CYP3A5: variants seen among roughly 807,000 people sequenced by gnomAD.
CYP3A5 encodes the protein cytochrome P450 3A5.
Under a neutral mutation model 55.9 loss-of-function variants are expected in CYP3A5, and 51 were observed. That is an observed-to-expected ratio of 0.91 (90% CI 0.73 to 1.15). CYP3A5 has a LOEUF of 1.15. CYP3A5 is among the 50% of genes most tolerant of loss of function. CYP3A5 has a pLI of 0.00. For missense variants in CYP3A5, 533 were observed against 596.6 expected (o/e 0.89, Z 1.11); for synonymous variants, 196 against 213.9 (o/e 0.92, Z 0.73).
intron 10 of CYP3A5, among the ~76,000 whole-genome samples, chr7:99,654,524 T>C (rs1250796115): frequency 6.6e-6 from 1 of 152,244 alleles, no homozygotes; most frequent in African/African-American, 2.4e-5. Context: ...CTATTGTGAA[T>C]AGTGCTGCAA....
chr7:99,666,260 G>T (rs534176191), intron 6 of CYP3A5, among the ~76,000 whole-genome samples: 11 of 152,250 alleles, frequency 7.2e-5, no homozygotes, highest in African/African-American at 2.6e-4. Context: ...AGTACCAAAT[G>T]CTTGCTTACC....
At chr7:99,651,551 A>C (rs760905782) in intron 11 of CYP3A5, among the ~76,000 whole-genome samples, 1 of 152,194 alleles carries the variant, frequency 6.6e-6, no homozygotes, top group Non-Finnish European at 1.5e-5. Flanking sequence ...TACTCTGTGA[A>C]CAAGTATTAT....
chr7:99,668,492 T>C (rs1811256419), intron 4 of CYP3A5, among the ~76,000 whole-genome samples: 1 of 152,240 alleles, frequency 6.6e-6, no homozygotes, highest in Non-Finnish European at 1.5e-5. Context: ...GCAATTTTTT[T>C]TGTAATTTTG....
chr7:99,678,908 T>C (rs1198134222), intron 1 of CYP3A5, among the ~76,000 whole-genome samples: 1 of 152,158 alleles, frequency 6.6e-6, no homozygotes. Flanking sequence ...GTAACTCTTC[T>C]CTCCACCTGC....
In CYP3A5 at chr7:99,660,503, T is replaced by C. The variant is rs780728042; in HGVS notation, c.1022A>G (p.Asn341Ser). The change falls in exon 10 of 13, where the codon AAT becomes AGT. Residue 341 changes from asparagine to serine, a missense_variant. Transcript: ENST00000222982. ...LQKEIDAVLP[N>S]KAPPTYDAVV... The stretch of plus-strand genomic sequence containing the variant: ...CTCCAGGGGTCATCCCCTCACCTTA[T>C]TGGGCAAAACTGCATCAATCTCCTT... 19 of 1,610,258 alleles carry C rather than the reference T, an allele frequency of 1.2e-5. No individual in the cohort carries two copies. The highest frequency in any genetic ancestry group is 1.6e-5 in the Non-Finnish European group (19 of 1,178,224).
In CYP3A5 at chr7:99,663,787, C is replaced by CT. The variant is rs1376161816; in HGVS notation, c.798+180dup. ...ATTTCAAGTTTTAAATGCTATCTCTCTGACTCATTCTCATCTCCTTCCCCA... is the reference window on the plus strand; with the variant it reads ...ATTTCAAGTTTTAAATGCTATCTCTCTTGACTCATTCTCATCTCCTTCCCCA... On this transcript the variant is annotated intron_variant, in intron 8 of 12. Coordinates refer to ENST00000222982, the MANE Select transcript of CYP3A5 (RefSeq NM_000777.5). The CT allele has an allele frequency of 2.4e-5, 31 of 1,294,834 alleles. No individual in the cohort carries two copies. In the African/African-American group the frequency reaches 4.5e-4, roughly 19 times the overall value. The allele number at this position is 1,294,834 out of a possible 1,614,324, so 80.2% of individuals were successfully genotyped here. A position where few individuals can be genotyped will look rare whatever the true frequency, so the allele number is the denominator to read the frequency against.
At position 99,652,750 on chromosome 7, in the gene CYP3A5, C is replaced by T. The variant is rs1809316904; in HGVS notation, c.1056G>A (p.Gln352=). 2 of 1,613,842 alleles carry T rather than the reference C, an allele frequency of 1.2e-6. No homozygotes were observed. Among genetic ancestry groups the T allele is most frequent in the Non-Finnish European group, 1.7e-6 (2 of 1,179,920 alleles). ...TCACCACCATGTCAAGGTACTCCAT[C>T]TGTACCACGGCATCATAGGTAGGTG... ...KAPPTYDAVV[Q]MEYLDMVVNE... is the part of the protein sequence containing the mutation. Residue 352 remains glutamine, a synonymous_variant, in exon 11 of 13, where the codon CAG becomes CAA. Transcript: ENST00000222982.
intron 4 of CYP3A5, among the ~76,000 whole-genome samples, chr7:99,670,614 T>C (rs1053725988): frequency 8.5e-5 from 13 of 152,240 alleles, no homozygotes; most frequent in East Asian, 7.7e-4. Context: ...GTTCAACTTA[T>C]AGAAAAATTT....
chr7:99,661,469 A>G (rs369635667), intron 9 of CYP3A5, among the ~76,000 whole-genome samples: 37 of 152,342 alleles, frequency 2.4e-4, no homozygotes, highest in African/African-American at 8.4e-4. Context: ...ATGGTGATTG[A>G]CTGTAGTCTG....
At chr7:99,663,265 A>G in intron 8 of CYP3A5, 3 of 1,012,390 alleles carry the variant, frequency 3.0e-6, no homozygotes, top group Non-Finnish European at 3.5e-6. Flanking sequence ...GTGTCCGTAT[A>G]GATTAATCTC....
chr7:99,679,934 C>A lies in CYP3A5; in HGVS notation c.-38G>T, dbSNP rs1812677279. 1.3e-6 allele frequency: 2 copies of A among 1,581,966 alleles called. No individual in the cohort carries two copies. The highest frequency in any genetic ancestry group is 2.7e-5 in the African/African-American group (2 of 74,230). On this transcript the variant is annotated 5_prime_UTR_variant, in exon 1 of 13. Coordinates refer to ENST00000222982, the MANE Select transcript of CYP3A5 (RefSeq NM_000777.5). ...TCTTCAACTGTGTTCTGTGAGTCTT[C>A]CTTTTAGCTGAGTGCTGCTGTTTGC...
Position 99,650,283 on chromosome 7 carries a change from A to G in CYP3A5, c.1254-51T>C, listed in dbSNP as rs1254490605. 6 of 1,571,548 alleles carry G rather than the reference A, an allele frequency of 3.8e-6. No individual in the cohort carries two copies. The African/African-American group carries it at 6.8e-5, about 18-fold the overall frequency. On this transcript the variant is annotated intron_variant, in intron 11 of 12. Coordinates refer to ENST00000222982, the MANE Select transcript of CYP3A5 (RefSeq NM_000777.5). ...AGTTAATGAAACATAAAAACCACAGAGTTACATGTTAGGGGTTCTTACTTA... is the reference window on the plus strand; with the variant it reads ...AGTTAATGAAACATAAAAACCACAGGGTTACATGTTAGGGGTTCTTACTTA...
At position 99,665,195 on chromosome 7, in the gene CYP3A5, C is replaced by A. The variant is rs772930275; in HGVS notation, c.641G>T (p.Gly214Val). ...TGAGAGAAATAATGGATCTAAGAAA[C>A]CAAATTTTAGGAACTTCTTAGTGCT... The part of the protein sequence containing the change: ...VESTKKFLKF[G>V]FLDPLFLSII... The change falls in exon 7 of 13, where the codon GGT (glycine) becomes GTT (valine). Residue 214 changes from glycine (G) to valine (V), a missense_variant. Physicochemically the swap from Gly to Val is moderately radical, Grantham distance 109. Coordinates refer to ENST00000222982, the MANE Select transcript of CYP3A5 (RefSeq NM_000777.5). The A allele has an allele frequency of 6.2e-7, 1 of 1,613,656 alleles. No individual in the cohort carries two copies. Among genetic ancestry groups the A allele is most frequent in the South Asian group, 1.1e-5 (1 of 91,014 alleles).
At position 99,653,707 on chromosome 7, in the gene CYP3A5, A is replaced by ACAGCCACACCAGGGT; in HGVS notation, c.1027-943_1027-929dup. ...GTAAATGTCCCTTTGTGTCTGCCTC[A>ACAGCCACACCAGGGT]CAGCCACACCAGGGTCAGCCCCACA... On this transcript the variant is annotated intron_variant, in intron 10 of 12. Transcript: ENST00000222982. This position sits in a 1 kb window ranked among gnomAD's most constrained non-coding sequence, Gnocchi z 4.2. Among the ~76,000 whole-genome samples, 1 of 152,304 alleles carries ACAGCCACACCAGGGT rather than the reference A, an allele frequency of 6.6e-6. No individual in the cohort carries two copies. Among genetic ancestry groups the ACAGCCACACCAGGGT allele is most frequent in the African/African-American group, 2.4e-5 (1 of 41,552 alleles).
At chr7:99,660,106 C>T in intron 10 of CYP3A5, 1 of 631,750 alleles carries the variant, frequency 1.6e-6, no homozygotes, top group Non-Finnish European at 2.0e-6. Flanking sequence ...CATTGAGATG[C>T]ACCCGGTACC....
rs967174350 is a variant in CYP3A5, at chr7:99,672,974, G to A, written c.219-295C>T. 1.8e-5 allele frequency: 18 copies of A among 994,364 alleles called. No individual in the cohort carries two copies. The East Asian group carries it at 2.0e-4, about 11-fold the overall frequency. 61.6% of individuals were successfully genotyped at this position (994,364 alleles called of 1,614,324 possible). A position where few individuals can be genotyped will look rare whatever the true frequency, so the allele number is the denominator to read the frequency against. On this transcript the variant is annotated intron_variant, in intron 3 of 12. Coordinates refer to ENST00000222982, the MANE Select transcript of CYP3A5 (RefSeq NM_000777.5). ...GGTTAGAAATGACAGTAGAGCATTC[G>A]TTAAGCTGGGTGGTACATACGTGGG...
rs1809410239 is a variant in CYP3A5, at chr7:99,653,691, C to T, written c.1027-912G>A. Reference sequence around the variant, plus strand: ...ATCTTCAGGACTGGATGTAAATGTCCCTTTGTGTCTGCCTCACAGCCACAC... The same window carrying T: ...ATCTTCAGGACTGGATGTAAATGTCTCTTTGTGTCTGCCTCACAGCCACAC... On this transcript the variant is annotated intron_variant, in intron 10 of 12. Coordinates refer to ENST00000222982, the MANE Select transcript of CYP3A5 (RefSeq NM_000777.5). The surrounding 1 kb of genome is among the most constrained non-coding windows in gnomAD (Gnocchi z 4.2). Among the ~76,000 whole-genome samples the T allele has an allele frequency of 6.6e-6, 1 of 152,206 alleles. No homozygotes were observed. The highest frequency in any genetic ancestry group is 3.4e-3 in the Middle Eastern group (1 of 294).
intron 2 of CYP3A5, among the ~76,000 whole-genome samples, chr7:99,674,986 T>G (rs1039389256): frequency 6.6e-6 from 1 of 152,248 alleles, no homozygotes; most frequent in Non-Finnish European, 1.5e-5. Flanking sequence ...TTTTTTAATC[T>G]CCTCCATCAG....
intron 10 of CYP3A5, among the ~76,000 whole-genome samples, chr7:99,656,132 G>C (rs1290220060): frequency 1.3e-5 from 2 of 152,222 alleles, no homozygotes; most frequent in East Asian, 1.9e-4. Flanking sequence ...TAGGAGTGGT[G>C]AGAGAGGGCA....
Sources: gnomAD v4.1 joint callset for allele counts (sites outside exome capture counted in the v4.1 genomes callset) on GRCh38, gnomAD v4.1.1 for gene constraint, Gnocchi (gnomAD v3.1) non-coding constraint, MANE v1.5 for transcripts, NCBI Gene and HGNC (gene_info 2026-07-23, HGNC 2026-07-21) for gene names.